The following NUP133 variants were observed in gnomAD, a reference collection of about 807,000 sequenced individuals.
NUP133 encodes the protein nuclear pore complex protein Nup133.
Under a neutral mutation model 146.2 loss-of-function variants are expected in NUP133, and 66 were observed. The observed-to-expected ratio is 0.45, with a 90% CI of 0.37 to 0.55. NUP133 has a LOEUF of 0.55. NUP133 is among the 20% of genes least tolerant of loss of function. NUP133 has a pLI of 0.00. For missense variants in NUP133, 1,277 were observed against 1,374.8 expected, an observed-to-expected ratio of 0.93 and a Z score of 1.12; for synonymous variants, 521 against 498.8, an observed-to-expected ratio of 1.04 and a Z score of -0.59.
Position 229,496,017 on chromosome 1 carries a change from A to C in NUP133, c.850T>G (p.Ser284Ala). The change falls in exon 7 of 26, where the codon TCA becomes GCA. Residue 284 changes from serine to alanine, a missense_variant. By Grantham distance (99) the Ser-to-Ala change is moderately conservative. Transcript: ENST00000261396. The stretch of plus-strand genomic sequence containing the variant: ...GAACTCGTCAGGCTATAAAAGCTTG[A>C]TCTCTCTCTATCCCAGAGAACACTT... ...LSSVLWDRER[S>A]SFYSLTSSNI... 1.9e-6 allele frequency: 3 copies of C among 1,600,066 alleles called. No homozygotes were observed. Among genetic ancestry groups the C allele is most frequent in the Non-Finnish European group, 2.6e-6 (3 of 1,175,964 alleles).
chr1:229,479,963 T>C (rs1178931662), intron 12 of NUP133, among the ~76,000 whole-genome samples: 4 of 152,142 alleles, frequency 2.6e-5, no homozygotes, highest in South Asian at 2.1e-4. Context: ...TATGATTAAT[T>C]GCTGATGAGA....
chr1:229,495,806 T>TAATACCATACAC (rs1314341357), intron 7 of NUP133, 86 bp downstream of exon 7: 2 of 1,192,920 alleles, frequency 1.7e-6, no homozygotes, highest in East Asian at 4.8e-5. Context: ...CTGAAATGTG[T>TAATACCATACAC]TGAAATAAAT....
At chr1:229,478,158 A>T (rs4925492) in intron 12 of NUP133, among the ~76,000 whole-genome samples, 7,008 of 152,156 alleles carry the variant, frequency 0.046, 437 homozygotes, top group African/African-American at 0.12. Context: ...TAAAAAAAAA[A>T]TTTTAAGTTA....
At position 229,440,565 on chromosome 1, in the gene NUP133, T is replaced by G. The variant is rs1261702575; in HGVS notation, c.*1339A>C. ...CGCAGCACATTATCACCCGACAGGG[T>G]CCTACAGGTGAGACGTGAACACTGA... On this transcript the variant is annotated 3_prime_UTR_variant, in exon 26 of 26. Transcript: ENST00000261396. The G allele has an allele frequency of 6.6e-6, 1 of 152,208 alleles. No individual in the cohort carries two copies. Among genetic ancestry groups the G allele is most frequent in the African/African-American group, 2.4e-5 (1 of 41,414 alleles). 9.4% of individuals were successfully genotyped at this position (152,208 alleles called of 1,614,324 possible). A position where few individuals can be genotyped will look rare whatever the true frequency, so the allele number is the denominator to read the frequency against.
chr1:229,483,664 C>T (rs1661273310), intron 12 of NUP133, among the ~76,000 whole-genome samples: 1 of 139,788 alleles, frequency 7.2e-6, no homozygotes, highest in Non-Finnish European at 1.5e-5. Flanking sequence ...AAGATCGCGC[C>T]ACTGCACTCT....
chr1:229,495,817 AAAAC>A, intron 7 of NUP133, 71 bp downstream of exon 7: 1 of 1,280,236 alleles, frequency 7.8e-7, no homozygotes, highest in East Asian at 2.4e-5. Context: ...TGAAATAAAT[AAAAC>A]AATTAAGGGA....
At chr1:229,456,748 T>C (rs964650518) in intron 21 of NUP133, among the ~76,000 whole-genome samples, 2 of 151,642 alleles carry the variant, frequency 1.3e-5, no homozygotes, top group Non-Finnish European at 2.9e-5. Context: ...ATTGTGTATA[T>C]ATATATACAC....
At position 229,502,017 on chromosome 1, in the gene NUP133, A is replaced by C; in HGVS notation, c.387T>G (p.Ala129=). Residue 129 remains alanine (A), a synonymous_variant, in exon 3 of 26, where the codon GCT becomes GCG. Transcript: ENST00000261396. ...CKEKLIIWKI[A]LSPITKLSVC... ...CCATTACCTTAGTAATAGGTGACAG[A>C]GCAATCTTCCAAATAATGAGCTTCT... is the stretch of plus-strand genomic sequence containing the variant. 3 of 1,612,840 alleles carry C rather than the reference A, an allele frequency of 1.9e-6. No individual in the cohort carries two copies. Among genetic ancestry groups the C allele is most frequent in the Non-Finnish European group, 2.5e-6 (3 of 1,178,822 alleles).
At chr1:229,507,321 A>G (rs1661971038) in intron 1 of NUP133, among the ~76,000 whole-genome samples, 1 of 152,226 alleles carries the variant, frequency 6.6e-6, no homozygotes, top group African/African-American at 2.4e-5. Flanking sequence ...TTCAAGACAC[A>G]ATACTTTGTG....
chr1:229,489,702 C>T (rs563757127), intron 9 of NUP133, among the ~76,000 whole-genome samples: 105 of 152,272 alleles, frequency 6.9e-4, no homozygotes, highest in African/African-American at 2.3e-3. Flanking sequence ...GAAACCCTGT[C>T]TCTGCTAAAA....
intron 19 of NUP133, among the ~76,000 whole-genome samples, chr1:229,463,289 C>A (rs567350626): frequency 1.3e-5 from 2 of 152,156 alleles, no homozygotes; most frequent in African/African-American, 4.8e-5. Flanking sequence ...TACTGGAAAG[C>A]AGGAGGTGTG....
chr1:229,466,987 T>C (rs1660840606), intron 15 of NUP133, among the ~76,000 whole-genome samples: 1 of 100,558 alleles, frequency 9.9e-6, no homozygotes. Context: ...TCTGGATTGT[T>C]ACTGAGATTT....
In NUP133 at chr1:229,441,724, T is replaced by G; in HGVS notation, c.*180A>C. ...TTTCAGGTGGAAAAAACAAGTCACATAACTGAAAACCAAAATCACAGTTAC... is the reference window on the plus strand; with the variant it reads ...TTTCAGGTGGAAAAAACAAGTCACAGAACTGAAAACCAAAATCACAGTTAC... On this transcript the variant is annotated 3_prime_UTR_variant, in exon 26 of 26. Transcript: ENST00000261396. 1 of 534,140 alleles carries G rather than the reference T, an allele frequency of 1.9e-6. No individual in the cohort carries two copies. Among genetic ancestry groups the G allele is most frequent in the Non-Finnish European group, 3.3e-6 (1 of 306,486 alleles). 33.1% of individuals were successfully genotyped at this position (534,140 alleles called of 1,614,324 possible). A position where few individuals can be genotyped will look rare whatever the true frequency, so the allele number is the denominator to read the frequency against.
chr1:229,458,218 T>A lies in NUP133; in HGVS notation c.2923A>T (p.Lys975Ter). ...AKKKTLLGLS[K>*]LAALASDFSE... Reference sequence around the variant, plus strand: ...AAGTCTGAAGCTAATGCAGCCAATTTACTCAAGCCAAGAAGGGTTTTCTTC... The same window carrying A: ...AAGTCTGAAGCTAATGCAGCCAATTAACTCAAGCCAAGAAGGGTTTTCTTC... The change falls in exon 21 of 26, where the codon AAA becomes TAA. Residue 975 changes from lysine to a stop codon, truncating the protein, a stop_gained. Transcript: ENST00000261396. LOFTEE classifies it high-confidence loss of function. The A allele has an allele frequency of 6.2e-7, 1 of 1,613,806 alleles. No homozygotes were observed. Among genetic ancestry groups the A allele is most frequent in the South Asian group, 1.1e-5 (1 of 91,060 alleles).
chr1:229,469,209 C>A (rs1172818494), intron 15 of NUP133, among the ~76,000 whole-genome samples: 1 of 152,218 alleles, frequency 6.6e-6, no homozygotes, highest in Non-Finnish European at 1.5e-5. Context: ...CCAGATAGTT[C>A]TGCAGTCTCA....
chr1:229,506,872 G>A lies in NUP133; in HGVS notation c.183-714C>T, dbSNP rs192303444. Among the ~76,000 whole-genome samples the A allele has an allele frequency of 6.5e-4, 94 of 145,696 alleles. No homozygotes were observed. The East Asian group carries it at 0.017, about 27-fold the overall frequency. On this transcript the variant is annotated intron_variant, in intron 1 of 25. Transcript: ENST00000261396. ...GATCTGTACAACCAAGCAAGAAATC[G>A]AACAGGTTACGAGCATCAGCTGTTA... is the stretch of plus-strand genomic sequence containing the variant.
chr1:229,486,412 C>G lies in NUP133; in HGVS notation c.1459G>C (p.Glu487Gln), dbSNP rs752896070. 21 of 1,607,824 alleles carry G rather than the reference C, an allele frequency of 1.3e-5. No individual in the cohort carries two copies. The highest frequency in any genetic ancestry group is 1.6e-5 in the Non-Finnish European group (19 of 1,178,378). ...ENVSILAEDL[E>Q]GSLASSVAGP... ...GCAACTGAAGATGCTAAAGACCCTT[C>G]CAAGTCTTCTGCCAATATAGACACA... The change falls in exon 11 of 26, where the codon GAA (glutamate) becomes CAA (glutamine). Residue 487 changes from glutamate to glutamine, a missense_variant. Transcript: ENST00000261396.
intron 15 of NUP133, among the ~76,000 whole-genome samples, chr1:229,468,151 T>G (rs964013364): frequency 6.6e-6 from 1 of 152,004 alleles, no homozygotes; most frequent in African/African-American, 2.4e-5. Context: ...AGAGTCAAAG[T>G]GGAGAGCGCA....
chr1:229,489,468 A>C (rs1661455179), intron 9 of NUP133, among the ~76,000 whole-genome samples: 1 of 152,266 alleles, frequency 6.6e-6, no homozygotes, highest in African/African-American at 2.4e-5. Context: ...TTTAGTCAAA[A>C]CTAAGCAAAA....
Sources: allele counts gnomAD v4.1 joint callset (sites outside exome capture counted in the v4.1 genomes callset), GRCh38; gene constraint gnomAD v4.1.1; transcripts MANE v1.5; gene names NCBI Gene and HGNC (gene_info 2026-07-23, HGNC 2026-07-21).